Variants in FRMD7 observed in about 807,000 individuals in gnomAD.
The protein encoded by FRMD7 is FERM domain containing 7.
In FRMD7, 14 loss-of-function variants were observed where a neutral mutation model predicts 44.1. That is an observed-to-expected ratio of 0.32 (90% CI 0.21 to 0.50). The LOEUF is 0.50. Ranked by LOEUF, FRMD7 falls within the 20% of genes least tolerant of loss-of-function variation. The pLI is 0.99. For missense variants in FRMD7, 501 were observed against 522.3 expected, an observed-to-expected ratio of 0.96 and a Z score of 0.40; for synonymous variants, 212 against 187.4, an observed-to-expected ratio of 1.13 and a Z score of -1.07.
chrX:132,077,884 G>C lies in FRMD7; in HGVS notation c.2133C>G (p.Tyr711Ter). ...EDRTSLKPCN[Y>*]FLA Reference sequence around the variant, plus strand: ...TAGGTTCACACTTTTAAGCTAAAAAGTAATTACATGGTTTTAGTGAAGTCC... The same window carrying C: ...TAGGTTCACACTTTTAAGCTAAAAACTAATTACATGGTTTTAGTGAAGTCC... Residue 711 changes from tyrosine (Y) to a stop codon, truncating the protein, a stop_gained, in exon 12 of 12, where the codon TAC becomes TAG. Transcript: ENST00000298542. LOFTEE classifies it high-confidence loss of function. The C allele has an allele frequency of 8.3e-7, 1 of 1,210,106 alleles. No homozygotes were observed. Among genetic ancestry groups the C allele is most frequent in the African/African-American group, 1.7e-5 (1 of 57,837 alleles).
intron 1 of FRMD7, among the ~76,000 whole-genome samples, chrX:132,115,105 C>T (rs968259170): frequency 2.7e-5 from 3 of 112,366 alleles, no homozygotes; most frequent in South Asian, 7.3e-4. Flanking sequence ...AACTTAACTC[C>T]GGGGCCTGCT....
intron 1 of FRMD7, among the ~76,000 whole-genome samples, chrX:132,115,278 A>T (rs931149338): frequency 1.8e-5 from 2 of 112,220 alleles, no homozygotes; most frequent in Admixed American, 9.4e-5. Flanking sequence ...CCCAGATTTA[A>T]GGACCTCTGC....
chrX:132,097,552 C>T (rs1928378373), intron 3 of FRMD7, among the ~76,000 whole-genome samples: 1 of 111,058 alleles, frequency 9.0e-6, no homozygotes, highest in South Asian at 3.8e-4. Flanking sequence ...ATGTATATAG[C>T]GATTGGGAAA....
intron 1 of FRMD7, among the ~76,000 whole-genome samples, chrX:132,124,936 C>T (rs992545944): frequency 6.3e-5 from 7 of 111,804 alleles, no homozygotes; most frequent in African/African-American, 2.0e-4. Context: ...TTAATGAATA[C>T]GTGACTAAAA....
At chrX:132,117,311 C>A (rs1928925845) in intron 1 of FRMD7, among the ~76,000 whole-genome samples, 1 of 111,380 alleles carries the variant, frequency 9.0e-6, no homozygotes, top group South Asian at 3.8e-4. Context: ...GAGAAGAACC[C>A]CCTCTTTTGA....
At chrX:132,102,018 G>A (rs1053595584) in intron 1 of FRMD7, among the ~76,000 whole-genome samples, 46 of 111,315 alleles carry the variant, frequency 4.1e-4, no homozygotes, top group Admixed American at 3.4e-3. Flanking sequence ...AAGGAAGCCA[G>A]GCGCGGGGAA....
At chrX:132,124,687 C>G (rs1174740959) in intron 1 of FRMD7, among the ~76,000 whole-genome samples, 1 of 112,168 alleles carries the variant, frequency 8.9e-6, no homozygotes, top group Non-Finnish European at 1.9e-5. Context: ...AATAAACTAA[C>G]TGAAAGTATT....
rs1929196698 is a variant in FRMD7 at position 132,127,940 on chromosome X, C to T, written c.-96G>A. 36 of 706,658 alleles carry T rather than the reference C, an allele frequency of 5.1e-5. No individual in the cohort carries two copies. The South Asian group carries it at 7.3e-4, about 14-fold the overall frequency. 58.2% of individuals were successfully genotyped at this position (706,658 alleles called of 1,213,427 possible). On this transcript the variant is annotated 5_prime_UTR_variant, in exon 1 of 12. Transcript: ENST00000298542. The stretch of plus-strand genomic sequence containing the variant: ...CAGCTGGATGTGGTGCACTCGGGCC[C>T]CCCCACCCCCAGCCAGGCATTCCCA...
At chrX:132,120,863 C>T (rs1929016823) in intron 1 of FRMD7, among the ~76,000 whole-genome samples, 1 of 112,356 alleles carries the variant, frequency 8.9e-6, no homozygotes, top group Admixed American at 9.4e-5. Context: ...AGAGGAAGTT[C>T]AGTTTAAACA....
chrX:132,099,752 A>G (rs1295158292), intron 2 of FRMD7, among the ~76,000 whole-genome samples: 1 of 112,043 alleles, frequency 8.9e-6, no homozygotes, highest in African/African-American at 3.3e-5. Context: ...CATTTGAATC[A>G]CTGCTCCACT....
At chrX:132,100,284 A>G (rs922807354) in intron 2 of FRMD7, among the ~76,000 whole-genome samples, 1 of 111,060 alleles carries the variant, frequency 9.0e-6, no homozygotes, top group African/African-American at 3.3e-5. Context: ...GGCACACACC[A>G]CCACACCCAG....
chrX:132,084,251 G>A (rs951792457), intron 8 of FRMD7, among the ~76,000 whole-genome samples: 2 of 111,649 alleles, frequency 1.8e-5, no homozygotes, highest in African/African-American at 6.5e-5. Context: ...CCTTTCAGCC[G>A]AGCTGCCCCA....
rs1256655988 is a variant in FRMD7, at chrX:132,127,916, A to G, written c.-72T>C. The G allele has an allele frequency of 6.6e-6, 6 of 908,531 alleles. No homozygotes were observed. The highest frequency in any genetic ancestry group is 9.7e-6 in the Non-Finnish European group (6 of 621,429). 74.9% of individuals were successfully genotyped at this position (908,531 alleles called of 1,213,427 possible). A position where few individuals can be genotyped will look rare whatever the true frequency, so the allele number is the denominator to read the frequency against. ...TGCTTTCTCCAGGAATTTCACTCCC[A>G]GCTGGATGTGGTGCACTCGGGCCCC... On this transcript the variant is annotated 5_prime_UTR_variant, in exon 1 of 12. Transcript: ENST00000298542.
chrX:132,096,744 T>G lies in FRMD7; in HGVS notation c.284+522A>C, dbSNP rs753090641. 8.4e-5 allele frequency among the ~76,000 whole-genome samples: 9 copies of G among 107,587 alleles called. No homozygotes were observed. The South Asian group carries it at 3.6e-3, about 43-fold the overall frequency. The allele number at this position is 107,587 out of a possible 115,157, so 93.4% of individuals were successfully genotyped here. ...AAAAAAAAAAAAAAAAAAGTGTAAG[T>G]CTAGAAAGTAGAGTAAGGTTTTGAG... On this transcript the variant is annotated intron_variant, in intron 4 of 11. Transcript: ENST00000298542.
chrX:132,086,670 A>C (rs1043089619), intron 5 of FRMD7, among the ~76,000 whole-genome samples: 2 of 110,602 alleles, frequency 1.8e-5, no homozygotes, highest in Non-Finnish European at 3.8e-5. Context: ...GGAAAAAAAA[A>C]AAAACAACTG....
At chrX:132,079,023 G>A in intron 11 of FRMD7, 57 bp from the exon 12 acceptor site, 1 of 1,013,790 alleles carries the variant, frequency 9.9e-7, no homozygotes, top group Non-Finnish European at 1.4e-6. Flanking sequence ...TTAGGGCTGG[G>A]GGAGGGATCT....
chrX:132,085,522 T>G, intron 7 of FRMD7, 59 bp downstream of exon 7: 1 of 1,124,576 alleles, frequency 8.9e-7, no homozygotes, highest in Non-Finnish European at 1.2e-6. Flanking sequence ...CACCCAAGTT[T>G]GAGCCAAGAT....
At chrX:132,109,937 AGTT>A (rs770383957) in intron 1 of FRMD7, among the ~76,000 whole-genome samples, 1 of 110,759 alleles carries the variant, frequency 9.0e-6, no homozygotes, top group South Asian at 3.9e-4. Flanking sequence ...TACCAAGGGG[AGTT>A]GTTGTGGCAT....
chrX:132,109,528 G>A (rs1928727691), intron 1 of FRMD7, among the ~76,000 whole-genome samples: 1 of 111,461 alleles, frequency 9.0e-6, no homozygotes, highest in African/African-American at 3.3e-5. Context: ...TTGAGCACCT[G>A]CTCTGTGCCA....
Sources: allele counts gnomAD v4.1 joint callset (sites outside exome capture counted in the v4.1 genomes callset), GRCh38; gene constraint gnomAD v4.1.1; transcripts MANE v1.5; gene names NCBI Gene and HGNC (gene_info 2026-07-23, HGNC 2026-07-21).